IQCM: variants seen among roughly 807,000 people sequenced by gnomAD.
IQCM encodes IQ motif containing M, also known as IQ domain-containing protein M.
In IQCM, 45 loss-of-function variants were observed where a neutral mutation model predicts 57.6. That is an observed-to-expected ratio of 0.78 (90% CI 0.62 to 1.00). The LOEUF (loss-of-function observed/expected upper bound fraction) is 1.00, where lower values mean the gene tolerates loss of function less well. Ranked by LOEUF, IQCM falls within the 50% of genes least tolerant of loss-of-function variation. The pLI is 0.00. For missense variants in IQCM, 468 were observed against 511.6 expected, an observed-to-expected ratio of 0.91 and a Z score of 0.82; for synonymous variants, 148 against 158.9, an observed-to-expected ratio of 0.93 and a Z score of 0.51.
At chr4:149,703,006 C>A (rs922396713) in intron 5 of IQCM, among the ~76,000 whole-genome samples, 1 of 151,834 alleles carries the variant, frequency 6.6e-6, no homozygotes, top group Non-Finnish European at 1.5e-5. Flanking sequence ...AGCCAACCTG[C>A]CACAAAATGC....
chr4:149,712,645 A>G (rs1007883739), intron 5 of IQCM, among the ~76,000 whole-genome samples: 10 of 152,194 alleles, frequency 6.6e-5, no homozygotes, highest in African/African-American at 2.2e-4. Flanking sequence ...CTAAAGGCTT[A>G]CTTTCTAGCA....
At chr4:149,433,303 C>T in intron 13 of IQCM, 93 bp downstream of exon 13, 1 of 533,220 alleles carries the variant, frequency 1.9e-6, no homozygotes, top group South Asian at 1.0e-4. Flanking sequence ...TATGTATCAT[C>T]CCACATCATC....
intron 12 of IQCM, among the ~76,000 whole-genome samples, chr4:149,450,396 A>T (rs926970541): frequency 4.6e-5 from 7 of 151,938 alleles, no homozygotes; most frequent in Non-Finnish European, 8.8e-5. Context: ...TCTGCACAGC[A>T]AAGTAAACAG....
At chr4:149,376,630 A>G (rs961052536) in intron 13 of IQCM, among the ~76,000 whole-genome samples, 3 of 152,164 alleles carry the variant, frequency 2.0e-5, no homozygotes, top group Non-Finnish European at 4.4e-5. Context: ...CACAAATGGC[A>G]CTCACTGGTC....
chr4:149,568,124 A>C (rs1750804014), intron 9 of IQCM, among the ~76,000 whole-genome samples: 2 of 152,162 alleles, frequency 1.3e-5, no homozygotes, highest in African/African-American at 4.8e-5. Context: ...GAGATTCTCC[A>C]TCCTGTGGTT....
chr4:149,797,828 T>C (rs187896407), intron 2 of IQCM, among the ~76,000 whole-genome samples: 6 of 151,952 alleles, frequency 3.9e-5, no homozygotes, highest in Admixed American at 3.3e-4. Flanking sequence ...AATAGCATAC[T>C]ATGATAAAAA....
At chr4:149,799,921 A>C (rs1431030368) in intron 2 of IQCM, among the ~76,000 whole-genome samples, 1 of 151,944 alleles carries the variant, frequency 6.6e-6, no homozygotes, top group African/African-American at 2.4e-5. Flanking sequence ...CCTACCAAAC[A>C]TATAAATAAC....
At chr4:149,544,185 A>G (rs1351245042) in intron 12 of IQCM, among the ~76,000 whole-genome samples, 3 of 152,208 alleles carry the variant, frequency 2.0e-5, no homozygotes, top group Admixed American at 6.6e-5. Flanking sequence ...TTATCTCTAA[A>G]CACAGTAGAA....
intron 5 of IQCM, among the ~76,000 whole-genome samples, chr4:149,688,040 A>G (rs1332250983): frequency 1.3e-5 from 2 of 152,032 alleles, no homozygotes; most frequent in African/African-American, 2.4e-5. Context: ...GAACTGAAAC[A>G]AGACAAGAAT....
intron 12 of IQCM, among the ~76,000 whole-genome samples, chr4:149,535,180 T>C (rs986599730): frequency 6.6e-6 from 1 of 152,080 alleles, no homozygotes; most frequent in African/African-American, 2.4e-5. Context: ...GTTTTCACTT[T>C]ACTGTAGCAA....
In IQCM at chr4:149,769,555, TA is replaced by T. The variant is rs111979315; in HGVS notation, c.-48-26817del. ...CCCAAAATGTACAATGCTCTATAGC[TA>T]AAAAAAAAAAAAGTTTAAAAGTAAA... On this transcript the variant is annotated intron_variant, in intron 2 of 13. Coordinates refer to ENST00000636793, the MANE Select transcript of IQCM (RefSeq NM_001363507.2). 3.7e-3 allele frequency among the ~76,000 whole-genome samples: 476 copies of T among 128,868 alleles called. 1 individual carries two copies. Among genetic ancestry groups the T allele is most frequent in the Middle Eastern group, 3.9e-3 (1 of 258 alleles). The allele number at this position is 128,868 out of a possible 152,430, so 84.5% of individuals were successfully genotyped here.
chr4:149,546,246 T>C (rs1390657275), intron 12 of IQCM, among the ~76,000 whole-genome samples: 2 of 152,258 alleles, frequency 1.3e-5, no homozygotes, highest in African/African-American at 4.8e-5. Context: ...CTTCCAAGTC[T>C]TTGCTATTGT....
At chr4:149,508,269 G>A (rs1038987057) in intron 12 of IQCM, among the ~76,000 whole-genome samples, 5 of 151,760 alleles carry the variant, frequency 3.3e-5, no homozygotes, top group Non-Finnish European at 5.9e-5. Context: ...GAGAGAAGAG[G>A]GCCACCATCC....
chr4:149,727,187 T>TC (rs1766028312), intron 5 of IQCM, among the ~76,000 whole-genome samples: 1 of 152,216 alleles, frequency 6.6e-6, no homozygotes, highest in African/African-American at 2.4e-5. Flanking sequence ...CTCCAACCTT[T>TC]CCCATGAGTC....
chr4:149,615,022 T>A (rs1346548579), intron 8 of IQCM, among the ~76,000 whole-genome samples: 1 of 152,232 alleles, frequency 6.6e-6, no homozygotes, highest in African/African-American at 2.4e-5. Context: ...TAGAAATTAC[T>A]TATACAAATT....
intron 2 of IQCM, among the ~76,000 whole-genome samples, chr4:149,772,849 T>C (rs1770712733): frequency 1.3e-5 from 2 of 152,240 alleles, no homozygotes; most frequent in African/African-American, 2.4e-5. Context: ...TTGTGGAACA[T>C]GTTTATTAAA....
intron 8 of IQCM, among the ~76,000 whole-genome samples, chr4:149,607,086 C>T (rs1754852035): frequency 6.6e-6 from 1 of 151,906 alleles, no homozygotes; most frequent in Non-Finnish European, 1.5e-5. Flanking sequence ...GTGGATTCAA[C>T]CCAAGTAAGA....
chr4:149,443,489 C>A (rs552012004), intron 12 of IQCM, among the ~76,000 whole-genome samples: 1 of 151,866 alleles, frequency 6.6e-6, no homozygotes, highest in African/African-American at 2.4e-5. Context: ...TGAGAAAATT[C>A]TGTAATCAAG....
intron 2 of IQCM, among the ~76,000 whole-genome samples, chr4:149,804,946 C>T (rs1318851087): frequency 6.6e-6 from 1 of 151,998 alleles, no homozygotes; most frequent in South Asian, 2.1e-4. Flanking sequence ...AAGTAGGATG[C>T]AACCTGCTGG....
Sources: gnomAD v4.1 joint callset for allele counts (sites outside exome capture counted in the v4.1 genomes callset) on GRCh38, gnomAD v4.1.1 for gene constraint, MANE v1.5 for transcripts, NCBI Gene and HGNC (gene_info 2026-07-23, HGNC 2026-07-21) for gene names.